Variants in UTRN observed in about 807,000 individuals in gnomAD.
UTRN encodes utrophin, also known as dystrophin-related protein 1.
In UTRN, 283 loss-of-function variants were observed where a neutral mutation model predicts 463.9. That is an observed-to-expected ratio of 0.61 (90% confidence interval 0.55 to 0.67). UTRN has a LOEUF of 0.67. UTRN is among the 30% of genes least tolerant of loss of function. The pLI is 0.00. For synonymous variants in UTRN, 1,442 were observed against 1,431.5 expected, an observed-to-expected ratio of 1.01 and a Z score of -0.17; for missense variants, 3,922 against 4,084.3, an observed-to-expected ratio of 0.96 and a Z score of 1.08.
chr6:144,500,949 A>G (rs1328711478), intron 34 of UTRN, among the ~76,000 whole-genome samples: 1 of 152,236 alleles, frequency 6.6e-6, no homozygotes, highest in African/African-American at 2.4e-5. Flanking sequence ...TGATGTTTAT[A>G]TAAAGCCACA....
At chr6:144,544,332 G>T (rs1798218536) in intron 46 of UTRN, among the ~76,000 whole-genome samples, 1 of 152,052 alleles carries the variant, frequency 6.6e-6, no homozygotes, top group Admixed American at 6.6e-5. Context: ...TCACAATGTT[G>T]TACAACCACT....
rs193213156 is a variant in UTRN, at chr6:144,783,752, G to T, written c.8834+1629G>T. Among the ~76,000 whole-genome samples the T allele has an allele frequency of 3.9e-5, 6 of 152,138 alleles. No homozygotes were observed. In the East Asian group the frequency reaches 1.2e-3, roughly 29 times the overall value. On this transcript the variant is annotated intron_variant, in intron 61 of 74. Transcript: ENST00000367545. ...CCTCTCTCGATTTTTTTTAATTAGAGAAGTATTTTATCTTTTAGTGTTCAT... is the reference window on the plus strand; with the variant it reads ...CCTCTCTCGATTTTTTTTAATTAGATAAGTATTTTATCTTTTAGTGTTCAT...
chr6:144,352,529 T>C (rs952424416), intron 2 of UTRN, among the ~76,000 whole-genome samples: 1 of 152,174 alleles, frequency 6.6e-6, no homozygotes, highest in Non-Finnish European at 1.5e-5. Context: ...ACATGTCATA[T>C]CTGTCTGCCT....
intron 3 of UTRN, among the ~76,000 whole-genome samples, chr6:144,420,398 A>T (rs1255664252): frequency 6.6e-6 from 1 of 152,192 alleles, no homozygotes; most frequent in Non-Finnish European, 1.5e-5. Context: ...TTCACCAGGT[A>T]GTTAAAGGTC....
At chr6:144,528,220 G>A (rs1796735743) in intron 41 of UTRN, among the ~76,000 whole-genome samples, 1 of 151,970 alleles carries the variant, frequency 6.6e-6, no homozygotes, top group Non-Finnish European at 1.5e-5. Flanking sequence ...ATTTTTAGTG[G>A]AGACAGGGTT....
At chr6:144,649,431 A>G (rs1305513710) in intron 51 of UTRN, among the ~76,000 whole-genome samples, 1 of 152,146 alleles carries the variant, frequency 6.6e-6, no homozygotes. Flanking sequence ...ATCAAAATGT[A>G]TTTCCCCAGT....
intron 65 of UTRN, among the ~76,000 whole-genome samples, chr6:144,808,641 T>G (rs1256637175): frequency 6.6e-6 from 1 of 152,030 alleles, no homozygotes; most frequent in Admixed American, 6.6e-5. Flanking sequence ...AACTGAAAGT[T>G]TATACCCTTT....
At chr6:144,778,711 T>G (rs1380605781) in intron 60 of UTRN, among the ~76,000 whole-genome samples, 1 of 152,104 alleles carries the variant, frequency 6.6e-6, no homozygotes, top group Non-Finnish European at 1.5e-5. Context: ...TGCTTAACAG[T>G]GTTCATTGTT....
rs566122279 is a variant in UTRN at position 144,718,567 on chromosome 6, G to A, written c.7810-11790G>A. Among the ~76,000 whole-genome samples, 9 of 152,272 alleles carry A rather than the reference G, an allele frequency of 5.9e-5. No homozygotes were observed. The South Asian group carries it at 6.2e-4, about 11-fold the overall frequency. ...GTAAAATGAGAGAGATGATTAACAC[G>A]CAGAGAATTTAAGGGACAAACCCAA... On this transcript the variant is annotated intron_variant, in intron 53 of 74. Coordinates refer to ENST00000367545, the MANE Select transcript of UTRN (RefSeq NM_007124.3).
Position 144,735,933 on chromosome 6 carries a change from T to C in UTRN, c.7939+5447T>C, listed in dbSNP as rs544546495. 2.0e-5 allele frequency among the ~76,000 whole-genome samples: 3 copies of C among 151,746 alleles called. No homozygotes were observed. In the South Asian group the frequency reaches 6.2e-4, roughly 32 times the overall value. ...GATACACAGAAAAAAAAAATACTGGTTTTTGAGTTCTTATTTTACTGTGAC... is the reference window on the plus strand; with the variant it reads ...GATACACAGAAAAAAAAAATACTGGCTTTTGAGTTCTTATTTTACTGTGAC... On this transcript the variant is annotated intron_variant, in intron 54 of 74. Coordinates refer to ENST00000367545, the MANE Select transcript of UTRN (RefSeq NM_007124.3).
chr6:144,826,329 T>G (rs1185760624), intron 66 of UTRN, among the ~76,000 whole-genome samples: 1 of 152,116 alleles, frequency 6.6e-6, no homozygotes, highest in Admixed American at 6.6e-5. Flanking sequence ...AGATACCTAC[T>G]TTCTTTGTCT....
At chr6:144,445,156 G>A (rs560013419) in intron 14 of UTRN, among the ~76,000 whole-genome samples, 2 of 151,930 alleles carry the variant, frequency 1.3e-5, no homozygotes, top group Non-Finnish European at 2.9e-5. Context: ...TTCAAGACTA[G>A]CCCGGCCAAC....
chr6:144,605,727 A>G (rs188003511), intron 51 of UTRN, among the ~76,000 whole-genome samples: 1 of 149,706 alleles, frequency 6.7e-6, no homozygotes, highest in Non-Finnish European at 1.5e-5. Flanking sequence ...AACTGAACTT[A>G]ATACTTAAGT....
At chr6:144,551,104 A>T (rs756310790) in intron 48 of UTRN, 22 bp downstream of exon 48, 28 of 1,521,946 alleles carry the variant, frequency 1.8e-5, no homozygotes, top group South Asian at 1.7e-4. Context: ...AAAAAAAGTT[A>T]TGTATTATCA....
At chr6:144,643,044 T>G (rs1777921402) in intron 51 of UTRN, among the ~76,000 whole-genome samples, 1 of 152,186 alleles carries the variant, frequency 6.6e-6, no homozygotes, top group Non-Finnish European at 1.5e-5. Flanking sequence ...ATTATTGTTA[T>G]TTTATAGTAT....
intron 2 of UTRN, among the ~76,000 whole-genome samples, chr6:144,322,442 T>C (rs990157516): frequency 1.3e-5 from 2 of 152,176 alleles, no homozygotes; most frequent in Admixed American, 6.5e-5. Flanking sequence ...TGAGTGGCCC[T>C]TCTCAGCTGC....
chr6:144,501,891 A>G (rs1031172206), intron 34 of UTRN, among the ~76,000 whole-genome samples: 7 of 152,180 alleles, frequency 4.6e-5, no homozygotes, highest in Middle Eastern at 3.2e-3. Context: ...TGTTTTGGTT[A>G]TTTAATTAGA....
intron 63 of UTRN, 36 bp from the exon 64 acceptor site, chr6:144,797,788 A>G (rs571246923): frequency 2.4e-5 from 39 of 1,599,996 alleles, no homozygotes; most frequent in Non-Finnish European, 3.0e-5. Context: ...AAATGAAGGC[A>G]TTTCTTCACT....
intron 52 of UTRN, among the ~76,000 whole-genome samples, chr6:144,692,372 A>G (rs746621692): frequency 3.3e-5 from 5 of 152,184 alleles, no homozygotes; most frequent in Admixed American, 6.5e-5. Flanking sequence ...ATGTGTCTTT[A>G]TAATAGAATG....
Sources: allele counts gnomAD v4.1 joint callset (sites outside exome capture counted in the v4.1 genomes callset), GRCh38; gene constraint gnomAD v4.1.1; transcripts MANE v1.5; gene names NCBI Gene and HGNC (gene_info 2026-07-23, HGNC 2026-07-21).